Variants in DOCK4 observed in about 807,000 individuals in gnomAD.
DOCK4 encodes dedicator of cytokinesis protein 4.
Under a neutral mutation model 268.1 loss-of-function variants are expected in DOCK4, and 97 were observed. That is an observed-to-expected ratio of 0.36 (90% CI 0.31 to 0.43). The LOEUF is 0.43. DOCK4 is among the 20% of genes least tolerant of loss of function. DOCK4 has a pLI of 1.00. For missense variants in DOCK4, 2,145 were observed against 2,455.7 expected, an observed-to-expected ratio of 0.87 and a Z score of 2.67; for synonymous variants, 954 against 887.2, an observed-to-expected ratio of 1.08 and a Z score of -1.34.
chr7:111,955,335 G>A (rs963875674), intron 8 of DOCK4, among the ~76,000 whole-genome samples: 3 of 152,218 alleles, frequency 2.0e-5, no homozygotes, highest in Non-Finnish European at 4.4e-5. Context: ...TTTACTTAAA[G>A]AGGAGATAGA....
At chr7:111,924,737 G>C (rs1022300600) in intron 12 of DOCK4, among the ~76,000 whole-genome samples, 15 of 152,070 alleles carry the variant, frequency 9.9e-5, no homozygotes, top group South Asian at 6.2e-4. Context: ...CCAATGTAGT[G>C]AGTCCCCATT....
At chr7:112,145,744 T>C (rs1262891759) in intron 1 of DOCK4, among the ~76,000 whole-genome samples, 1 of 151,944 alleles carries the variant, frequency 6.6e-6, no homozygotes, top group Non-Finnish European at 1.5e-5. Context: ...ATGATTTGCA[T>C]GGAAATCTTT....
chr7:111,870,323 C>CTT (rs796444724), intron 20 of DOCK4, among the ~76,000 whole-genome samples: 67 of 131,326 alleles, frequency 5.1e-4, no homozygotes, highest in African/African-American at 1.4e-3. Flanking sequence ...TTTTTCTTTT[C>CTT]TTTTTTTTTT....
At chr7:112,150,336 C>T (rs1404750549) in intron 1 of DOCK4, among the ~76,000 whole-genome samples, 4 of 152,126 alleles carry the variant, frequency 2.6e-5, no homozygotes, top group Non-Finnish European at 5.9e-5. Flanking sequence ...TTTATGGGTA[C>T]AGCCTCAAGT....
At chr7:111,899,773 A>C (rs1261709824) in intron 15 of DOCK4, among the ~76,000 whole-genome samples, 1 of 152,160 alleles carries the variant, frequency 6.6e-6, no homozygotes, top group Non-Finnish European at 1.5e-5. Flanking sequence ...AAATACAAAA[A>C]TTAGCCAGGC....
In DOCK4 at chr7:111,888,543, G is replaced by T. The variant is rs548765374; in HGVS notation, c.1587+7069C>A. On this transcript the variant is annotated intron_variant, in intron 16 of 52. Transcript: ENST00000428084. ...AATCAGTGGGAGATTCTGATGGGTA[G>T]AGAGGCAATACAGCCTAGGGTGTGG... Among the ~76,000 whole-genome samples the T allele has an allele frequency of 1.7e-3, 260 of 152,138 alleles. 2 individuals carry two copies. Among genetic ancestry groups the T allele is most frequent in the African/African-American group, 6.1e-3 (254 of 41,520 alleles).
At chr7:111,891,742 C>G (rs1442827858) in intron 16 of DOCK4, among the ~76,000 whole-genome samples, 1 of 152,224 alleles carries the variant, frequency 6.6e-6, no homozygotes, top group Non-Finnish European at 1.5e-5. Context: ...TAACCTTGCT[C>G]TCCAATTCTG....
At chr7:112,011,885 T>G (rs1373174947) in intron 1 of DOCK4, among the ~76,000 whole-genome samples, 1 of 147,166 alleles carries the variant, frequency 6.8e-6, no homozygotes, top group East Asian at 2.0e-4. Context: ...CTAGATGAGA[T>G]GAGAGAAAGC....
At chr7:112,181,415 AG>A (rs1477391655) in intron 1 of DOCK4, among the ~76,000 whole-genome samples, 1 of 152,140 alleles carries the variant, frequency 6.6e-6, no homozygotes, top group East Asian at 1.9e-4. Flanking sequence ...GCACTTTGGG[AG>A]GCTAAGGCAG....
chr7:111,852,633 A>G (rs1259699129), intron 23 of DOCK4, among the ~76,000 whole-genome samples: 2 of 152,206 alleles, frequency 1.3e-5, no homozygotes, highest in African/African-American at 4.8e-5. Flanking sequence ...TAAAAATTCA[A>G]TTTGCAGCCA....
intron 23 of DOCK4, among the ~76,000 whole-genome samples, chr7:111,857,217 T>C (rs1276540668): frequency 6.6e-6 from 1 of 152,234 alleles, no homozygotes; most frequent in Non-Finnish European, 1.5e-5. Flanking sequence ...CTTTATATTA[T>C]GGCCTAAAAT....
intron 35 of DOCK4, among the ~76,000 whole-genome samples, chr7:111,780,710 T>C (rs1233197759): frequency 6.6e-6 from 1 of 152,230 alleles, no homozygotes; most frequent in Non-Finnish European, 1.5e-5. Flanking sequence ...CTGAAGACAA[T>C]CTGGAATTGA....
At position 112,047,766 on chromosome 7, in the gene DOCK4, C is replaced by T. The variant is rs892382885; in HGVS notation, c.38-43635G>A. Reference sequence around the variant, plus strand: ...GGAGGGCAATGGCATGATTATAGCTCACCACAGCCTGGAGCCCCTGGGCTC... The same window carrying T: ...GGAGGGCAATGGCATGATTATAGCTTACCACAGCCTGGAGCCCCTGGGCTC... On this transcript the variant is annotated intron_variant, in intron 1 of 52. Transcript: ENST00000428084. Among the ~76,000 whole-genome samples the T allele has an allele frequency of 1.3e-5, 2 of 152,176 alleles. 1 individual carries two copies. Among genetic ancestry groups the T allele is most frequent in the East Asian group, 3.9e-4 (2 of 5,192 alleles).
At chr7:111,807,304 T>G (rs1031096725) in intron 30 of DOCK4, among the ~76,000 whole-genome samples, 2 of 152,148 alleles carry the variant, frequency 1.3e-5, no homozygotes, top group African/African-American at 4.8e-5. Context: ...GGCCTTGATC[T>G]TCTTTAGGAA....
chr7:111,827,685 A>AAATTATAT (rs1802510357), intron 26 of DOCK4, among the ~76,000 whole-genome samples: 1 of 152,198 alleles, frequency 6.6e-6, no homozygotes, highest in African/African-American at 2.4e-5. Flanking sequence ...GAGGAATTAA[A>AAATTATAT]AATTATATAT....
chr7:111,750,605 GTGTAATGTCTCAGAAA>G (rs1210995419), intron 42 of DOCK4, among the ~76,000 whole-genome samples: 1 of 152,194 alleles, frequency 6.6e-6, no homozygotes, highest in African/African-American at 2.4e-5. Context: ...AGCAGACGAT[GTGTAATGTCTCAGAAA>G]TCTCGCTGCT....
chr7:112,078,999 C>T (rs905825576), intron 1 of DOCK4, among the ~76,000 whole-genome samples: 4 of 152,074 alleles, frequency 2.6e-5, no homozygotes, highest in African/African-American at 4.8e-5. Context: ...TGGTGGCATG[C>T]GCCTGTAATC....
At chr7:112,134,334 C>A (rs1016226451) in intron 1 of DOCK4, among the ~76,000 whole-genome samples, 3 of 152,202 alleles carry the variant, frequency 2.0e-5, no homozygotes, top group African/African-American at 7.2e-5. Flanking sequence ...ATCTCTTCCA[C>A]AAGCATCTGA....
At position 111,900,526 on chromosome 7, in the gene DOCK4, G is replaced by C. The variant is rs751322175; in HGVS notation, c.1328C>G (p.Ser443Cys). Residue 443 changes from serine to cysteine, a missense_variant, in exon 15 of 53, where the codon TCC (serine) becomes TGC (cysteine). By Grantham distance (112) the Ser-to-Cys change is moderately radical. Transcript: ENST00000428084. ...GGCTGGTGGCTCCCCAGAGCCGAAG[G>C]AGATAAAATCCTAACAAAGGGAAGA... ...SSGQTLKDFI[S>C]FGSGEPPASE... The C allele has an allele frequency of 6.2e-7, 1 of 1,610,576 alleles. No homozygotes were observed. Among genetic ancestry groups the C allele is most frequent in the South Asian group, 1.1e-5 (1 of 90,050 alleles).
Sources: allele counts gnomAD v4.1 joint callset (sites outside exome capture counted in the v4.1 genomes callset), GRCh38; gene constraint gnomAD v4.1.1; transcripts MANE v1.5; gene names NCBI Gene and HGNC (gene_info 2026-07-23, HGNC 2026-07-21).